The following MAN2B2 variants were observed in gnomAD, a reference collection of about 807,000 sequenced individuals.
MAN2B2 encodes the protein mannosidase alpha class 2B member 2, also known as epididymis-specific alpha-mannosidase.
MAN2B2 carries 106 observed loss-of-function variants against 117.1 expected under a neutral mutation model. That is an observed-to-expected ratio of 0.90 (90% CI 0.77 to 1.06). MAN2B2 has a LOEUF of 1.06. Ranked by LOEUF, MAN2B2 falls within the 50% of genes least tolerant of loss-of-function variation. The probability of loss-of-function intolerance (pLI) is 0.00; values close to 1 mark genes in which losing one functional copy is unlikely to be tolerated. For missense variants in MAN2B2, 1,326 were observed against 1,381.4 expected (o/e 0.96, Z 0.64); for synonymous variants, 544 against 595.1 (o/e 0.91, Z 1.25).
At position 6,611,286 on chromosome 4, in the gene MAN2B2, G is replaced by A. The variant is rs986625744; in HGVS notation, c.2563+8G>A. ...TGTTCGGAGACCTCGCTGGTAAAGGGGCACCCTTTCAGAGTAACATCATCA... is the reference window on the plus strand; with the variant it reads ...TGTTCGGAGACCTCGCTGGTAAAGGAGCACCCTTTCAGAGTAACATCATCA... On this transcript the variant is annotated splice_region_variant and intron_variant, in intron 15 of 18. Transcript: ENST00000285599. 4 of 1,589,490 alleles carry A rather than the reference G, an allele frequency of 2.5e-6. No homozygotes were observed. The African/African-American group carries it at 5.4e-5, about 21-fold the overall frequency.
At chr4:6,603,349 T>A (rs995536267) in intron 10 of MAN2B2, among the ~76,000 whole-genome samples, 3 of 152,154 alleles carry the variant, frequency 2.0e-5, no homozygotes, top group Admixed American at 1.3e-4. Flanking sequence ...AGCCCTGGGC[T>A]GGGTGCTGGG....
At chr4:6,576,102 G>A (rs1458710288) in intron 1 of MAN2B2, among the ~76,000 whole-genome samples, 5 of 152,184 alleles carry the variant, frequency 3.3e-5, no homozygotes, top group Non-Finnish European at 5.9e-5. Context: ...TGGGGAGGCA[G>A]ACGCCTAGAC....
chr4:6,611,336 G>A, intron 15 of MAN2B2, 58 bp downstream of exon 15: 11 of 1,514,626 alleles, frequency 7.3e-6, no homozygotes, highest in Non-Finnish European at 9.7e-6. Flanking sequence ...GCCAGGCCAG[G>A]GCGGGCCTTG....
At chr4:6,602,497 C>A (rs1030981479) in intron 10 of MAN2B2, among the ~76,000 whole-genome samples, 1 of 152,162 alleles carries the variant, frequency 6.6e-6, no homozygotes, top group African/African-American at 2.4e-5. Context: ...ATCACCTCCC[C>A]AAGGCCCCAC....
chr4:6,614,461 C>T, intron 16 of MAN2B2, 106 bp downstream of exon 16: 2 of 1,346,416 alleles, frequency 1.5e-6, no homozygotes, highest in Non-Finnish European at 1.0e-6. Context: ...TATCATGGCT[C>T]TGCAAGGTCA....
At chr4:6,581,436 G>C (rs1726422911) in intron 3 of MAN2B2, among the ~76,000 whole-genome samples, 1 of 152,140 alleles carries the variant, frequency 6.6e-6, no homozygotes, top group South Asian at 2.1e-4. Context: ...GCCCATGTGT[G>C]CCTGGCCTGG....
Position 6,593,346 on chromosome 4 carries a change from C to T in MAN2B2, c.854C>T (p.Pro285Leu). 2 of 1,611,822 alleles carry T rather than the reference C, an allele frequency of 1.2e-6. No individual in the cohort carries two copies. The highest frequency in any genetic ancestry group is 1.7e-6 in the Non-Finnish European group (2 of 1,179,036). The change falls in exon 6 of 19, where the codon CCC becomes CTC. Residue 285 changes from proline to leucine, a missense_variant. By Grantham distance (98) the Pro-to-Leu change is moderately conservative. Coordinates refer to ENST00000285599, the MANE Select transcript of MAN2B2 (RefSeq NM_015274.3). ...TTCCGGACACCGCACGTCCTCTGGC[C>T]CTGGGTAAGGCAGAGTCCCAGGTGC... The part of the protein sequence containing the change: ...AWFRTPHVLW[P>L]WGCDKQFFNA...
rs1214089196 is a variant in MAN2B2 at position 6,598,267 on chromosome 4, G to A, written c.1318G>A (p.Ala440Thr). The A allele has an allele frequency of 6.2e-7, 1 of 1,613,608 alleles. No individual in the cohort carries two copies. Among genetic ancestry groups the A allele is most frequent in the Non-Finnish European group, 8.5e-7 (1 of 1,180,036 alleles). The change falls in exon 9 of 19, where the codon GCC becomes ACC. Residue 440 changes from alanine to threonine, a missense_variant. Transcript: ENST00000285599. ...GAGAGACATGTACGCAACGCACCTG[G>A]CCTCGGGGATGCTGGGCATGCGCAA... is the stretch of plus-strand genomic sequence containing the variant. ...KVRDMYATHL[A>T]SGMLGMRKLM...
At chr4:6,587,350 C>G (rs1043414618) in intron 4 of MAN2B2, among the ~76,000 whole-genome samples, 182 bp downstream of exon 4, 1 of 152,224 alleles carries the variant, frequency 6.6e-6, no homozygotes, top group African/African-American at 2.4e-5. Flanking sequence ...GGAGGGCCCC[C>G]CTCCCTGTAC....
chr4:6,617,033 G>GGTGGC, intron 16 of MAN2B2, among the ~76,000 whole-genome samples: 1 of 152,330 alleles, frequency 6.6e-6, no homozygotes, highest in South Asian at 2.1e-4. Context: ...GAAGGCAAAT[G>GGTGGC]AGGAGCAAAG....
At position 6,594,700 on chromosome 4, in the gene MAN2B2, G is replaced by A. The variant is rs202106040; in HGVS notation, c.1025G>A (p.Arg342His). 21 of 1,612,444 alleles carry A rather than the reference G, an allele frequency of 1.3e-5. No homozygotes were observed. The highest frequency in any genetic ancestry group is 4.5e-5 in the East Asian group (2 of 44,876). ...LHALNVTWRV[R>H]DHHDFLPYST... ...GCTCTCAATGTCACCTGGCGTGTCC[G>A]CGACCACCACGACTTCCTGCCCTAT... Residue 342 changes from arginine (R) to histidine (H), a missense_variant, in exon 7 of 19, where the codon CGC becomes CAC. Coordinates refer to ENST00000285599, the MANE Select transcript of MAN2B2 (RefSeq NM_015274.3).
chr4:6,594,794 C>G, intron 7 of MAN2B2, 62 bp downstream of exon 7: 1 of 1,491,820 alleles, frequency 6.7e-7, no homozygotes. Flanking sequence ...TCCACGTACC[C>G]TCTGCCCACT....
chr4:6,595,179 G>C (rs1188530970), intron 7 of MAN2B2, among the ~76,000 whole-genome samples: 7 of 152,232 alleles, frequency 4.6e-5, no homozygotes, highest in African/African-American at 1.2e-4. Flanking sequence ...GGCCAGAACT[G>C]GGTTGGCCAC....
At chr4:6,587,215 T>A in intron 4 of MAN2B2, 47 bp downstream of exon 4, 1 of 1,590,000 alleles carries the variant, frequency 6.3e-7, no homozygotes, top group Non-Finnish European at 8.6e-7. Flanking sequence ...CGCTCCTCCC[T>A]TCCTTCCTTG....
rs1330650508 is a variant in MAN2B2, at chr4:6,610,987, G to A, written c.2367G>A (p.Val789=). The change falls in exon 14 of 19, where the codon GTG becomes GTA. Residue 789 remains valine, a synonymous_variant. Coordinates refer to ENST00000285599, the MANE Select transcript of MAN2B2 (RefSeq NM_015274.3). ...HGISSQGNGQ[V]EVMLHRRLWN... is the part of the protein sequence containing the mutation. ...TCTCCAGCCAAGGGAATGGGCAGGT[G>A]GAGGTAGGAGGCACGGTCTGTCCTA... The A allele has an allele frequency of 6.2e-7, 1 of 1,614,162 alleles. No homozygotes were observed. The highest frequency in any genetic ancestry group is 8.5e-7 in the Non-Finnish European group (1 of 1,180,012).
chr4:6,589,982 G>T (rs185739284), intron 5 of MAN2B2, among the ~76,000 whole-genome samples: 1 of 152,026 alleles, frequency 6.6e-6, no homozygotes, highest in East Asian at 1.9e-4. Context: ...CAGAAGGGTC[G>T]CCTGAATCCA....
chr4:6,614,226 C>T lies in MAN2B2; in HGVS notation c.2572C>T (p.Pro858Ser). 1 of 1,614,042 alleles carries T rather than the reference C, an allele frequency of 6.2e-7. No homozygotes were observed. Among genetic ancestry groups the T allele is most frequent in the Non-Finnish European group, 8.5e-7 (1 of 1,179,972 alleles). ...GTCCATCTGCCTTGCAGGGACTGCG[C>T]CGAAGCTCCCAGGACCCCAGCAGCA... ...VLFGDLAGTAPKLPGPQQQEA... is the reference protein window; with the variant it reads ...VLFGDLAGTASKLPGPQQQEA... The change falls in exon 16 of 19, where the codon CCG becomes TCG. Residue 858 changes from proline (P) to serine (S), a missense_variant. Pro to Ser is a moderately conservative substitution (Grantham distance 74, BLOSUM62 -1). Transcript: ENST00000285599.
chr4:6,595,443 A>G (rs1727041962), intron 7 of MAN2B2, among the ~76,000 whole-genome samples: 1 of 152,194 alleles, frequency 6.6e-6, no homozygotes. Flanking sequence ...GTCATTGATT[A>G]GGAAACGAAG....
intron 11 of MAN2B2, among the ~76,000 whole-genome samples, chr4:6,607,238 C>A (rs959438126): frequency 6.6e-6 from 1 of 152,208 alleles, no homozygotes; most frequent in Non-Finnish European, 1.5e-5. Context: ...GAGTCTCACT[C>A]TGTAATCTAG....
Sources: gnomAD v4.1 joint callset for allele counts (sites outside exome capture counted in the v4.1 genomes callset) on GRCh38, gnomAD v4.1.1 for gene constraint, MANE v1.5 for transcripts, NCBI Gene and HGNC (gene_info 2026-07-23, HGNC 2026-07-21) for gene names.